The following ANO2 variants were observed in gnomAD, a reference collection of about 807,000 sequenced individuals.
ANO2 encodes anoctamin 2.
A neutral mutation model predicts 124.2 loss-of-function variants in ANO2; 101 were observed. The observed-to-expected ratio is 0.81, with a 90% CI of 0.69 to 0.96. The LOEUF is 0.96. ANO2 is among the 40% of genes least tolerant of loss of function. The pLI is 0.00. For missense variants in ANO2, 1,293 were observed against 1,274.5 expected (o/e 1.01, Z -0.22); for synonymous variants, 486 against 482.5 (o/e 1.01, Z -0.09).
At chr12:5,768,873 C>T (rs1328250600) in intron 10 of ANO2, among the ~76,000 whole-genome samples, 1 of 152,176 alleles carries the variant, frequency 6.6e-6, no homozygotes, top group Non-Finnish European at 1.5e-5. Context: ...CTGGGGAATT[C>T]TTGAGAACTC....
intron 14 of ANO2, among the ~76,000 whole-genome samples, chr12:5,702,940 T>C (rs1012420347): frequency 1.3e-5 from 2 of 152,236 alleles, no homozygotes; most frequent in African/African-American, 4.8e-5. Context: ...TCAATTATTT[T>C]AGAGAATAAT....
At chr12:5,794,688 AT>A (rs1952795479) in intron 10 of ANO2, among the ~76,000 whole-genome samples, 1 of 152,046 alleles carries the variant, frequency 6.6e-6, no homozygotes, top group Admixed American at 6.5e-5. Flanking sequence ...TCTTGCACAC[AT>A]TTGTCTCCCT....
intron 3 of ANO2, among the ~76,000 whole-genome samples, chr12:5,866,816 C>G (rs938447212): frequency 6.6e-6 from 1 of 152,238 alleles, no homozygotes; most frequent in Non-Finnish European, 1.5e-5. Flanking sequence ...CATACTTTCA[C>G]CCAGGTTCGT....
At chr12:5,897,157 T>TA (rs1052603139) in intron 3 of ANO2, among the ~76,000 whole-genome samples, 5 of 151,204 alleles carry the variant, frequency 3.3e-5, no homozygotes, top group African/African-American at 9.7e-5. Flanking sequence ...AAAAAATAAA[T>TA]AAAAAAGAAT....
chr12:5,898,660 T>C (rs760199829), intron 3 of ANO2, among the ~76,000 whole-genome samples: 2 of 152,208 alleles, frequency 1.3e-5, no homozygotes, highest in Non-Finnish European at 2.9e-5. Flanking sequence ...ATTCCATTTA[T>C]ACAAAGTTGA....
intron 14 of ANO2, among the ~76,000 whole-genome samples, chr12:5,700,073 C>T (rs1281897506): frequency 6.6e-6 from 1 of 152,180 alleles, no homozygotes; most frequent in Non-Finnish European, 1.5e-5. Context: ...TTGAACTCAG[C>T]TCTGCACCAA....
At position 5,945,241 on chromosome 12, in the gene ANO2, C is replaced by G; in HGVS notation, c.-24G>C. On this transcript the variant is annotated 5_prime_UTR_variant, in exon 1 of 25. Coordinates refer to ENST00000682330, the MANE Select transcript of ANO2 (RefSeq NM_001364791.2). Reference sequence around the variant, plus strand: ...ATGATGTGGACGCAGACCCCGCCGGCCCGCGGCCGCGCGCTTCTGGGCAGG... The same window carrying G: ...ATGATGTGGACGCAGACCCCGCCGGGCCGCGGCCGCGCGCTTCTGGGCAGG... 7.8e-7 allele frequency: 1 copy of G among 1,284,926 alleles called. No individual in the cohort carries two copies. Among genetic ancestry groups the G allele is most frequent in the South Asian group, 1.2e-5 (1 of 80,292 alleles). 79.6% of individuals were successfully genotyped at this position (1,284,926 alleles called of 1,614,324 possible).
chr12:5,610,983 T>TTTTTTTTTTTTTTTTTTTTTG (rs1555100751), intron 19 of ANO2, among the ~76,000 whole-genome samples: 16 of 121,644 alleles, frequency 1.3e-4, no homozygotes, highest in Non-Finnish European at 2.3e-4. Flanking sequence ...TTTTTTTTTT[T>TTTTTTTTTTTTTTTTTTTTTG]TTTTTTGAGA....
chr12:5,608,873 A>T (rs373082798), intron 19 of ANO2: 1 of 152,230 alleles, frequency 6.6e-6, no homozygotes, highest in African/African-American at 2.4e-5. Context: ...TTCTGGGTCC[A>T]GAGAGAATGG....
rs2136304924 is a variant in ANO2 at position 5,922,797 on chromosome 12, G to A, written c.30C>T (p.Pro10=). The A allele has an allele frequency of 3.3e-6, 5 of 1,503,438 alleles. No individual in the cohort carries two copies. The highest frequency in any genetic ancestry group is 4.4e-6 in the Non-Finnish European group (5 of 1,127,382). The allele number at this position is 1,503,438 out of a possible 1,614,324, so 93.1% of individuals were successfully genotyped here. A position where few individuals can be genotyped will look rare whatever the true frequency, so the allele number is the denominator to read the frequency against. MATPGPRDI[P]LLPGSPRRLS... is the part of the protein sequence containing the mutation. ...GCCGGCGTGGGGAGCCAGGGAGCAG[G>A]GGTATATCTGTGAGAGGGAAAGACA... Residue 10 remains proline (P), a synonymous_variant, in exon 2 of 25, where the codon CCC becomes CCT. Transcript: ENST00000682330.
chr12:5,809,910 C>G (rs1565685831), intron 7 of ANO2, among the ~76,000 whole-genome samples: 1 of 152,240 alleles, frequency 6.6e-6, no homozygotes, highest in East Asian at 1.9e-4. Flanking sequence ...CAGTACTCCT[C>G]TTGTTCATCG....
chr12:5,816,273 G>A (rs1023389966), intron 7 of ANO2, among the ~76,000 whole-genome samples: 1 of 151,756 alleles, frequency 6.6e-6, no homozygotes, highest in Non-Finnish European at 1.5e-5. Context: ...TTTACCCTGT[G>A]GCTCAGGCCT....
At chr12:5,621,223 T>C (rs996022463) in intron 16 of ANO2, among the ~76,000 whole-genome samples, 2 of 152,192 alleles carry the variant, frequency 1.3e-5, no homozygotes, top group Non-Finnish European at 2.9e-5. Flanking sequence ...CAGAGAGACA[T>C]CTTCCAGGCA....
intron 23 of ANO2, among the ~76,000 whole-genome samples, chr12:5,567,403 G>A (rs930223829): frequency 5.3e-5 from 8 of 152,092 alleles, no homozygotes; most frequent in Non-Finnish European, 1.0e-4. Context: ...TCCTCCCGTC[G>A]CCCCCAGACA....
intron 14 of ANO2, among the ~76,000 whole-genome samples, chr12:5,723,817 T>A (rs1257378696): frequency 6.6e-6 from 1 of 152,130 alleles, no homozygotes; most frequent in Non-Finnish European, 1.5e-5. Flanking sequence ...AAATGAAGTG[T>A]CCTTATTACC....
At chr12:5,928,513 T>TTCCTTCCTTA (rs1259913811) in intron 1 of ANO2, among the ~76,000 whole-genome samples, 5 of 136,464 alleles carry the variant, frequency 3.7e-5, no homozygotes, top group African/African-American at 1.3e-4. Flanking sequence ...TTCCTTCCTC[T>TTCCTTCCTTA]CTAGTCTACC....
intron 10 of ANO2, among the ~76,000 whole-genome samples, chr12:5,785,266 G>T (rs1327179202): frequency 6.6e-6 from 1 of 152,124 alleles, no homozygotes; most frequent in African/African-American, 2.4e-5. Context: ...GAGGGAGAAG[G>T]AAAAAGTTCA....
At chr12:5,858,801 C>A (rs1591706629) in intron 3 of ANO2, 1 of 152,226 alleles carries the variant, frequency 6.6e-6, no homozygotes, top group Admixed American at 6.5e-5. Flanking sequence ...TCTGAAACTT[C>A]TTCTGTATTC....
intron 7 of ANO2, 47 bp from the exon 8 acceptor site, chr12:5,807,415 T>C (rs1484378562): frequency 6.6e-7 from 1 of 1,508,028 alleles, no homozygotes; most frequent in Admixed American, 2.0e-5. Context: ...GGCAAGCGTT[T>C]CTCAACTTAA....
Sources: allele counts gnomAD v4.1 joint callset (sites outside exome capture counted in the v4.1 genomes callset), GRCh38; gene constraint gnomAD v4.1.1; transcripts MANE v1.5; gene names NCBI Gene and HGNC (gene_info 2026-07-23, HGNC 2026-07-21).